Variants in GRIK1 observed in about 807,000 individuals in gnomAD.
GRIK1 encodes the protein glutamate receptor ionotropic, kainate 1.
GRIK1 carries 69 observed loss-of-function variants against 105.7 expected under a neutral mutation model. The ratio of observed to expected loss-of-function variants is 0.65; its 90% CI spans 0.54 to 0.80. The LOEUF is 0.80. GRIK1 is among the 30% of genes least tolerant of loss of function. GRIK1 has a pLI of 0.00. For missense variants in GRIK1, 1,109 were observed against 1,167.3 expected (o/e 0.95, Z 0.73); for synonymous variants, 438 against 431.3 (o/e 1.02, Z -0.19).
intron 1 of GRIK1, among the ~76,000 whole-genome samples, chr21:29,862,146 C>T (rs1197145762): frequency 6.6e-6 from 1 of 152,130 alleles, no homozygotes; most frequent in Non-Finnish European, 1.5e-5. Flanking sequence ...ACCACCAGGC[C>T]TGGCTAATTG....
chr21:29,651,004 C>T (rs1179463201), intron 6 of GRIK1, 114 bp downstream of exon 6: 2 of 710,692 alleles, frequency 2.8e-6, no homozygotes, highest in Non-Finnish European at 4.3e-6. Flanking sequence ...TTCTCTACTG[C>T]AAGTCAAGGC....
At chr21:29,606,690 CA>C (rs1272326353) in intron 7 of GRIK1, among the ~76,000 whole-genome samples, 1 of 150,378 alleles carries the variant, frequency 6.6e-6, no homozygotes, top group Non-Finnish European at 1.5e-5. Context: ...CAAAACAAAA[CA>C]AAACAAAAAA....
chr21:29,688,418 G>T (rs951319323), intron 3 of GRIK1, among the ~76,000 whole-genome samples: 4 of 152,156 alleles, frequency 2.6e-5, no homozygotes, highest in African/African-American at 9.7e-5. Context: ...AAACCGTATT[G>T]CAAAGTTTGA....
intron 7 of GRIK1, among the ~76,000 whole-genome samples, chr21:29,614,199 T>TGTG: frequency 6.6e-6 from 1 of 152,224 alleles, no homozygotes; most frequent in Admixed American, 6.5e-5. Flanking sequence ...GAAGGAGGCC[T>TGTG]GTAAGTACCA....
intron 13 of GRIK1, 130 bp downstream of exon 13, chr21:29,581,295 C>T: frequency 1.5e-6 from 1 of 662,036 alleles, no homozygotes. Context: ...CTAGAAAGTC[C>T]GTTGCTATTT....
chr21:29,610,077 G>C (rs1017117265), intron 7 of GRIK1, among the ~76,000 whole-genome samples: 1 of 152,144 alleles, frequency 6.6e-6, no homozygotes, highest in Non-Finnish European at 1.5e-5. Flanking sequence ...TTTGTTCTAT[G>C]ATTTATACGA....
At chr21:29,772,705 C>G (rs1024947140) in intron 1 of GRIK1, among the ~76,000 whole-genome samples, 5 of 152,078 alleles carry the variant, frequency 3.3e-5, no homozygotes, top group African/African-American at 1.2e-4. Flanking sequence ...AAAAAGAGAT[C>G]CTTAAAAGGT....
intron 1 of GRIK1, among the ~76,000 whole-genome samples, chr21:29,890,726 A>G (rs2146218774): frequency 6.6e-6 from 1 of 152,320 alleles, no homozygotes; most frequent in South Asian, 2.1e-4. Flanking sequence ...AGCAAAGACT[A>G]CTTGGCAGGA....
At chr21:29,782,475 C>T (rs2066150412) in intron 1 of GRIK1, among the ~76,000 whole-genome samples, 1 of 152,146 alleles carries the variant, frequency 6.6e-6, no homozygotes, top group African/African-American at 2.4e-5. Context: ...TTCACAGATT[C>T]TTGATTTTTC....
chr21:29,729,372 C>T (rs992634399), intron 1 of GRIK1, among the ~76,000 whole-genome samples: 2 of 152,078 alleles, frequency 1.3e-5, no homozygotes, highest in African/African-American at 2.4e-5. Flanking sequence ...TGGAAGCCTG[C>T]CCTATTGTTT....
intron 7 of GRIK1, among the ~76,000 whole-genome samples, chr21:29,631,828 A>G (rs2062280391): frequency 6.6e-6 from 1 of 152,256 alleles, no homozygotes; most frequent in Non-Finnish European, 1.5e-5. Context: ...CAATGTGGCT[A>G]CTAAAAACTC....
chr21:29,553,004 T>C (rs909433051), intron 16 of GRIK1, among the ~76,000 whole-genome samples: 2 of 152,090 alleles, frequency 1.3e-5, no homozygotes, highest in Non-Finnish European at 2.9e-5. Flanking sequence ...TTTGAGTCTT[T>C]GTGTAAATAA....
At chr21:29,765,953 G>A (rs544601696) in intron 1 of GRIK1, among the ~76,000 whole-genome samples, 8 of 151,816 alleles carry the variant, frequency 5.3e-5, no homozygotes, top group Non-Finnish European at 1.0e-4. Flanking sequence ...CCGGGTTCAC[G>A]CCATTCTCCT....
intron 1 of GRIK1, among the ~76,000 whole-genome samples, chr21:29,738,908 C>G (rs1378480162): frequency 3.3e-5 from 5 of 152,190 alleles, no homozygotes; most frequent in Non-Finnish European, 5.9e-5. Context: ...GTCTTCAAGT[C>G]AGTACACATT....
intron 4 of GRIK1, among the ~76,000 whole-genome samples, chr21:29,662,784 A>G (rs2062989217): frequency 6.6e-6 from 1 of 152,150 alleles, no homozygotes; most frequent in Non-Finnish European, 1.5e-5. Flanking sequence ...AAAATAATTT[A>G]TATCAGTGTT....
At chr21:29,798,407 T>A (rs1411550945) in intron 1 of GRIK1, among the ~76,000 whole-genome samples, 1 of 152,234 alleles carries the variant, frequency 6.6e-6, no homozygotes, top group Non-Finnish European at 1.5e-5. Context: ...TGCTAAGTAG[T>A]TTAGCATAAC....
At chr21:29,851,186 C>T (rs942297645) in intron 1 of GRIK1, among the ~76,000 whole-genome samples, 1 of 152,062 alleles carries the variant, frequency 6.6e-6, no homozygotes, top group Non-Finnish European at 1.5e-5. Context: ...TCTTGAGTAG[C>T]TGGAACTACA....
At chr21:29,576,895 TCG>T in intron 14 of GRIK1, 67 bp downstream of exon 14, 2 of 848,798 alleles carry the variant, frequency 2.4e-6, no homozygotes, top group Non-Finnish European at 1.8e-6. Context: ...CTTTTTTTTT[TCG>T]ACAGATTCTT....
At chr21:29,874,211 T>G (rs2069115760) in intron 1 of GRIK1, among the ~76,000 whole-genome samples, 1 of 152,044 alleles carries the variant, frequency 6.6e-6, no homozygotes, top group Non-Finnish European at 1.5e-5. Context: ...TTACTCTGAG[T>G]AAACGGGAAA....
Sources: gnomAD v4.1 joint callset for allele counts (sites outside exome capture counted in the v4.1 genomes callset) on GRCh38, gnomAD v4.1.1 for gene constraint, MANE v1.5 for transcripts, NCBI Gene and HGNC (gene_info 2026-07-23, HGNC 2026-07-21) for gene names.